The following PABPC4L variants were observed in gnomAD, a reference collection of about 807,000 sequenced individuals.
PABPC4L encodes polyadenylate-binding protein 4-like.
For missense variants in PABPC4L, 452 were observed against 451.4 expected (o/e 1.00, Z -0.01); for synonymous variants, 169 against 164.1 (o/e 1.03, Z -0.23).
At chr4:134,038,090 T>C in the PABPC4L span, among the ~76,000 whole-genome samples, 1 of 152,178 alleles carries the variant, frequency 6.6e-6, no homozygotes, top group Non-Finnish European at 1.5e-5. Context: ...TATGTGATTT[T>C]TGTCATGGGT....
the PABPC4L span, among the ~76,000 whole-genome samples, chr4:134,034,466 A>G: frequency 6.6e-6 from 1 of 152,018 alleles, no homozygotes; most frequent in Non-Finnish European, 1.5e-5. Context: ...TGCTATAGAG[A>G]GTGATTCCTC....
At chr4:133,992,923 T>C in the PABPC4L span, among the ~76,000 whole-genome samples, 1 of 151,970 alleles carries the variant, frequency 6.6e-6, no homozygotes, top group East Asian at 1.9e-4. Context: ...TGCAGGGTCA[T>C]TTCCTTCATT....
At chr4:134,156,265 G>C in the PABPC4L span, among the ~76,000 whole-genome samples, 3 of 151,906 alleles carry the variant, frequency 2.0e-5, no homozygotes, top group Non-Finnish European at 4.4e-5. Flanking sequence ...ATAAATTATA[G>C]AATGAGACAT....
In PABPC4L at chr4:134,200,827, G is replaced by A. The variant is rs1382233601; in HGVS notation, c.193C>T (p.Gln65Ter). The stretch of plus-strand genomic sequence containing the variant: ...AAGTTCATTGTGTCCAGCGCCTTCT[G>A]GGCATCAGCCAGCTGCAAGAAGTTC... ...YVNFLQLADAQKALDTMNFDI... is the reference protein window; with the variant it reads ...YVNFLQLADA The change falls in exon 2 of 2, where the codon CAG becomes TAG. Residue 65 changes from glutamine (Q) to a stop codon, truncating the protein, a stop_gained. Transcript: ENST00000421491. LOFTEE classifies it low-confidence loss of function (END_TRUNC). 2 of 1,555,002 alleles carry A rather than the reference G, an allele frequency of 1.3e-6. No individual in the cohort carries two copies. Among genetic ancestry groups the A allele is most frequent in the Non-Finnish European group, 1.7e-6 (2 of 1,148,992 alleles).
the PABPC4L span, among the ~76,000 whole-genome samples, chr4:134,022,831 G>A: frequency 6.6e-6 from 1 of 151,448 alleles, no homozygotes; most frequent in Non-Finnish European, 1.5e-5. Flanking sequence ...AGGAGTTTTG[G>A]GGGAATGTTT....
chr4:134,112,214 A>G, the PABPC4L span, among the ~76,000 whole-genome samples: 3 of 151,980 alleles, frequency 2.0e-5, no homozygotes, highest in African/African-American at 4.8e-5. Context: ...TTATAAAGAT[A>G]AAAGCTAAAA....
chr4:134,095,667 T>C, the PABPC4L span, among the ~76,000 whole-genome samples: 188 of 152,144 alleles, frequency 1.2e-3, no homozygotes, highest in African/African-American at 4.4e-3. Context: ...CCCTTCAATG[T>C]TAATTTTATC....
the PABPC4L span, among the ~76,000 whole-genome samples, chr4:134,160,053 C>G: frequency 6.6e-6 from 1 of 152,060 alleles, no homozygotes; most frequent in Non-Finnish European, 1.5e-5. Context: ...GGACCCAATC[C>G]AAGAAGGATT....
At chr4:134,132,289 G>A in the PABPC4L span, among the ~76,000 whole-genome samples, 5 of 152,028 alleles carry the variant, frequency 3.3e-5, no homozygotes, top group Non-Finnish European at 7.4e-5. Context: ...CCCACAGTGG[G>A]AGAAAATCTT....
chr4:134,155,665 T>G, the PABPC4L span, among the ~76,000 whole-genome samples: 16 of 151,982 alleles, frequency 1.1e-4, no homozygotes, highest in Non-Finnish European at 1.5e-4. Flanking sequence ...TATGACAAGA[T>G]TAGAACAATT....
chr4:134,055,553 T>C, the PABPC4L span, among the ~76,000 whole-genome samples: 120 of 151,984 alleles, frequency 7.9e-4, no homozygotes, highest in South Asian at 0.02. Flanking sequence ...CCACCTAGTC[T>C]GTGGTATTTT....
chr4:134,063,260 G>A, the PABPC4L span, among the ~76,000 whole-genome samples: 1 of 152,140 alleles, frequency 6.6e-6, no homozygotes, highest in East Asian at 1.9e-4. Flanking sequence ...GCTTCTAATA[G>A]ACGTGTTGGT....
chr4:134,127,627 C>G, the PABPC4L span, among the ~76,000 whole-genome samples: 1 of 151,970 alleles, frequency 6.6e-6, no homozygotes, highest in Non-Finnish European at 1.5e-5. Flanking sequence ...AAAGAGCACC[C>G]GTGGGACAAA....
the PABPC4L span, among the ~76,000 whole-genome samples, chr4:134,111,446 A>G: frequency 3.3e-5 from 5 of 151,780 alleles, no homozygotes; most frequent in Admixed American, 3.3e-4. Flanking sequence ...ATACACACAC[A>G]CATGTGTATG....
At chr4:134,026,222 T>C in the PABPC4L span, among the ~76,000 whole-genome samples, 3 of 150,012 alleles carry the variant, frequency 2.0e-5, no homozygotes, top group Non-Finnish European at 4.4e-5. Flanking sequence ...TTAATGTATA[T>C]ATTCAAATAA....
the PABPC4L span, among the ~76,000 whole-genome samples, chr4:134,095,116 A>AT: frequency 5.3e-5 from 8 of 151,682 alleles, no homozygotes; most frequent in Admixed American, 3.3e-4. Context: ...TTCTTGGTAA[A>AT]TTTTTTTTAA....
At chr4:134,040,198 A>C in the PABPC4L span, among the ~76,000 whole-genome samples, 3 of 141,258 alleles carry the variant, frequency 2.1e-5, no homozygotes, top group East Asian at 2.0e-4. Context: ...TTTTCATCAC[A>C]GAATTGGAAA....
At chr4:134,062,532 CAA>C in the PABPC4L span, among the ~76,000 whole-genome samples, 2 of 151,840 alleles carry the variant, frequency 1.3e-5, no homozygotes, top group African/African-American at 2.4e-5. Context: ...GCATCAAATA[CAA>C]AAGTGATTAA....
chr4:133,950,857 G>A, the PABPC4L span, among the ~76,000 whole-genome samples: 1 of 152,102 alleles, frequency 6.6e-6, no homozygotes, highest in Non-Finnish European at 1.5e-5. Flanking sequence ...CTGAAAACTT[G>A]TGTGACCCAT....
Sources: allele counts gnomAD v4.1 joint callset (sites outside exome capture counted in the v4.1 genomes callset), GRCh38; gene constraint gnomAD v4.1.1; transcripts MANE v1.5; gene names NCBI Gene and HGNC (gene_info 2026-07-23, HGNC 2026-07-21).